TECPR2: variants seen among roughly 807,000 people sequenced by gnomAD.
TECPR2 encodes the protein tectonin beta-propeller repeat-containing protein 2.
TECPR2 carries 65 observed loss-of-function variants against 138.1 expected under a neutral mutation model. The ratio of observed to expected loss-of-function variants is 0.47; its 90% CI spans 0.39 to 0.58. The LOEUF (loss-of-function observed/expected upper bound fraction) is 0.58. TECPR2 is among the 20% of genes least tolerant of loss of function. The pLI, the probability that TECPR2 is intolerant of heterozygous loss-of-function variation, is 0.00. For synonymous variants in TECPR2, 746 were observed against 749.8 expected, an observed-to-expected ratio of 0.99 and a Z score of 0.08; for missense variants, 1,553 against 1,824.5, an observed-to-expected ratio of 0.85 and a Z score of 2.71.
intron 1 of TECPR2, among the ~76,000 whole-genome samples, chr14:102,374,627 G>A (rs749300101): frequency 5.9e-5 from 9 of 152,258 alleles, no homozygotes; most frequent in East Asian, 1.9e-4. Context: ...TTTTAAAAGC[G>A]TGATCTTCCC....
intron 2 of TECPR2, among the ~76,000 whole-genome samples, chr14:102,405,165 C>T (rs142897789): frequency 6.6e-6 from 1 of 151,992 alleles, no homozygotes; most frequent in African/African-American, 2.4e-5. Flanking sequence ...AAAAATTAGC[C>T]AGGTGTGGTG....
chr14:102,390,921 G>A (rs987713487), intron 2 of TECPR2, among the ~76,000 whole-genome samples: 1 of 151,870 alleles, frequency 6.6e-6, no homozygotes, highest in African/African-American at 2.4e-5. Flanking sequence ...TATATTATAT[G>A]ATCATGAGAC....
At chr14:102,411,699 CAAAAAAAAAAA>C (rs1173849759) in intron 4 of TECPR2, among the ~76,000 whole-genome samples, 44 of 46,860 alleles carry the variant, frequency 9.4e-4, no homozygotes, top group South Asian at 5.8e-3. Flanking sequence ...CCATGTTGCT[CAAAAAAAAAAA>C]AAAAAAAAAA....
At position 102,407,327 on chromosome 14, in the gene TECPR2, C is replaced by G; in HGVS notation, c.220-11C>G. ...TAGTTACAGATTCATTTGTTTTCAACGTTTCCCCAGGGGAAGACGGAATCT... is the reference window on the plus strand; with the variant it reads ...TAGTTACAGATTCATTTGTTTTCAAGGTTTCCCCAGGGGAAGACGGAATCT... On this transcript the variant is annotated splice_polypyrimidine_tract_variant and intron_variant, in intron 2 of 19. Coordinates refer to ENST00000359520, the MANE Select transcript of TECPR2 (RefSeq NM_014844.5). 1 of 1,586,402 alleles carries G rather than the reference C, an allele frequency of 6.3e-7. No homozygotes were observed. Among genetic ancestry groups the G allele is most frequent in the Non-Finnish European group, 8.6e-7 (1 of 1,169,054 alleles).
intron 2 of TECPR2, among the ~76,000 whole-genome samples, chr14:102,382,182 A>C (rs546768600): frequency 6.6e-6 from 1 of 152,070 alleles, no homozygotes; most frequent in Non-Finnish European, 1.5e-5. Flanking sequence ...AATCCCAGCT[A>C]CTCAGGAGAC....
At chr14:102,386,671 G>T (rs537301414) in intron 2 of TECPR2, among the ~76,000 whole-genome samples, 1 of 152,050 alleles carries the variant, frequency 6.6e-6, no homozygotes, top group Non-Finnish European at 1.5e-5. Context: ...AGGGAATTAC[G>T]TATTTTTTTA....
intron 1 of TECPR2, among the ~76,000 whole-genome samples, chr14:102,373,388 G>T (rs1347134197): frequency 6.6e-6 from 1 of 152,040 alleles, no homozygotes; most frequent in Non-Finnish European, 1.5e-5. Context: ...TTTCAATATG[G>T]TATTAAATAA....
chr14:102,438,302 G>C (rs1288169647), intron 10 of TECPR2, 97 bp downstream of exon 10: 1 of 1,418,386 alleles, frequency 7.1e-7, no homozygotes, highest in African/African-American at 1.4e-5. Context: ...GGGCTCCCCT[G>C]CAGCAGCTCT....
chr14:102,367,217 G>C (rs76732183), intron 1 of TECPR2, among the ~76,000 whole-genome samples: 1,923 of 152,226 alleles, frequency 0.013, 43 homozygotes, highest in African/African-American at 0.043. Flanking sequence ...CTCTTTGAAG[G>C]AGCTGATATT....
chr14:102,442,769 A>T (rs1176579262), intron 11 of TECPR2, among the ~76,000 whole-genome samples: 2 of 152,246 alleles, frequency 1.3e-5, no homozygotes, highest in African/African-American at 4.8e-5. Flanking sequence ...TGCGTCTGTG[A>T]TTAGTCACGG....
intron 2 of TECPR2, among the ~76,000 whole-genome samples, chr14:102,382,654 A>T (rs762123831): frequency 3.3e-5 from 5 of 152,248 alleles, no homozygotes; most frequent in Non-Finnish European, 5.9e-5. Context: ...GTCCTGAGTT[A>T]GAAAACATAC....
chr14:102,408,690 T>C, intron 4 of TECPR2, 71 bp downstream of exon 4: 3 of 1,445,782 alleles, frequency 2.1e-6, no homozygotes, highest in Non-Finnish European at 1.9e-6. Flanking sequence ...TTATAACTTG[T>C]ATTTTTAGTC....
intron 2 of TECPR2, among the ~76,000 whole-genome samples, chr14:102,393,645 G>A (rs575047084): frequency 1.6e-4 from 25 of 152,104 alleles, no homozygotes; most frequent in Non-Finnish European, 2.4e-4. Context: ...TGCAACCTCC[G>A]CCTCCCAGGC....
At chr14:102,377,520 A>G (rs1026140019) in intron 2 of TECPR2, among the ~76,000 whole-genome samples, 11 of 152,130 alleles carry the variant, frequency 7.2e-5, no homozygotes, top group African/African-American at 2.7e-4. Context: ...GCCTTGACCA[A>G]TATGGTGAAA....
intron 1 of TECPR2, among the ~76,000 whole-genome samples, chr14:102,371,726 T>C (rs1887513673): frequency 6.6e-6 from 1 of 152,226 alleles, no homozygotes; most frequent in Non-Finnish European, 1.5e-5. Flanking sequence ...TACTTGGATA[T>C]ATTTCTGTTG....
chr14:102,378,237 A>G (rs2139658469), intron 2 of TECPR2, among the ~76,000 whole-genome samples: 1 of 152,336 alleles, frequency 6.6e-6, no homozygotes, highest in South Asian at 2.1e-4. Context: ...AAATGTTTAC[A>G]AATACTTGTG....
chr14:102,482,519 G>A (rs1450406302), intron 17 of TECPR2, among the ~76,000 whole-genome samples: 2 of 152,106 alleles, frequency 1.3e-5, no homozygotes, highest in African/African-American at 4.8e-5. Context: ...CTCTCTACCC[G>A]GGACCCAGCT....
At chr14:102,417,719 G>A (rs1223076051) in intron 5 of TECPR2, among the ~76,000 whole-genome samples, 1 of 151,184 alleles carries the variant, frequency 6.6e-6, no homozygotes, top group African/African-American at 2.5e-5. Context: ...GGAGCCGTGG[G>A]GAGGCTGACA....
intron 17 of TECPR2, among the ~76,000 whole-genome samples, chr14:102,466,821 C>G (rs1342264292): frequency 6.6e-6 from 1 of 152,200 alleles, no homozygotes; most frequent in Non-Finnish European, 1.5e-5. Context: ...TTCCTGTTCT[C>G]ACAGAACCAG....
Sources: gnomAD v4.1 joint callset for allele counts (sites outside exome capture counted in the v4.1 genomes callset) on GRCh38, gnomAD v4.1.1 for gene constraint, MANE v1.5 for transcripts, NCBI Gene and HGNC (gene_info 2026-07-23, HGNC 2026-07-21) for gene names.